Variants in DOCK9 observed in about 807,000 individuals in gnomAD.
The protein encoded by DOCK9 is dedicator of cytokinesis protein 9.
A neutral mutation model predicts 263.3 loss-of-function variants in DOCK9; 89 were observed. The observed-to-expected ratio is 0.34, with a 90% CI of 0.28 to 0.40. DOCK9 has a LOEUF of 0.40. Among genes scored for constraint, DOCK9 ranks in the 10% least tolerant of loss-of-function variants. The probability of loss-of-function intolerance (pLI) is 1.00; values close to 1 mark genes in which losing one functional copy is unlikely to be tolerated. For synonymous variants in DOCK9, 976 were observed against 973.1 expected (o/e 1.00, Z -0.06); for missense variants, 2,140 against 2,603.4 (o/e 0.82, Z 3.87).
intron 1 of DOCK9, among the ~76,000 whole-genome samples, chr13:98,985,316 A>G (rs1161661995): frequency 8.9e-6 from 1 of 112,324 alleles, no homozygotes. Flanking sequence ...ATCCTCCCCC[A>G]TTTCCCGGCC....
At chr13:98,865,792 G>C (rs191070162) in intron 30 of DOCK9, among the ~76,000 whole-genome samples, 1 of 152,272 alleles carries the variant, frequency 6.6e-6, no homozygotes, top group Non-Finnish European at 1.5e-5. Context: ...GTTAATTCCA[G>C]TTGAGGAAGT....
chr13:98,975,555 C>G (rs1387119369), intron 1 of DOCK9, among the ~76,000 whole-genome samples: 1 of 151,628 alleles, frequency 6.6e-6, no homozygotes, highest in Non-Finnish European at 1.5e-5. Context: ...AGTATATACA[C>G]TGAATTATTA....
In DOCK9 at chr13:99,052,309, T is replaced by C. The variant is rs554588643; in HGVS notation, c.129+33914A>G. The stretch of plus-strand genomic sequence containing the variant: ...TGGCCCACTACTCACTGCCTGGCCA[T>C]GGAGTAGGATGGAAGGATCTCCTGG... On this transcript the variant is annotated intron_variant, in intron 1 of 32. Transcript: ENST00000427887. Among the ~76,000 whole-genome samples the C allele has an allele frequency of 9.9e-4, 151 of 152,214 alleles. 2 individuals carry two copies. Among genetic ancestry groups the C allele is most frequent in the African/African-American group, 3.4e-3 (142 of 41,542 alleles).
intron 1 of DOCK9, among the ~76,000 whole-genome samples, chr13:98,983,748 T>C (rs1393506428): frequency 1.3e-5 from 2 of 151,704 alleles, no homozygotes; most frequent in African/African-American, 4.8e-5. Context: ...TCCCGAGTAG[T>C]TGGGATTACA....
At chr13:98,881,662 T>C in intron 24 of DOCK9, 35 bp from the exon 25 acceptor site, 1 of 1,569,172 alleles carries the variant, frequency 6.4e-7, no homozygotes, top group Admixed American at 1.8e-5. Flanking sequence ...GCAAAGAATA[T>C]GTAAAAATGG....
intron 1 of DOCK9, among the ~76,000 whole-genome samples, chr13:99,072,264 C>T (rs763428654): frequency 1.4e-4 from 22 of 152,274 alleles, no homozygotes; most frequent in South Asian, 6.2e-4. Flanking sequence ...CACAGCGCTA[C>T]GGTCCCTTCC....
intron 9 of DOCK9, among the ~76,000 whole-genome samples, chr13:98,906,320 G>A (rs1460699396): frequency 6.6e-6 from 1 of 152,152 alleles, no homozygotes; most frequent in Non-Finnish European, 1.5e-5. Context: ...GGCCACGGAA[G>A]AAAACCGACA....
At chr13:98,812,538 A>C (rs2091414219) in intron 45 of DOCK9, among the ~76,000 whole-genome samples, 1 of 152,304 alleles carries the variant, frequency 6.6e-6, no homozygotes, top group South Asian at 2.1e-4. Flanking sequence ...CAGACAACTG[A>C]AAGTAAAGAC....
At chr13:98,821,071 A>C (rs1436155750) in intron 45 of DOCK9, among the ~76,000 whole-genome samples, 1 of 152,220 alleles carries the variant, frequency 6.6e-6, no homozygotes, top group Non-Finnish European at 1.5e-5. Flanking sequence ...GGAGGCTACA[A>C]AGAAATTTCA....
chr13:98,934,464 C>T (rs1329647339), intron 2 of DOCK9, among the ~76,000 whole-genome samples: 1 of 152,152 alleles, frequency 6.6e-6, no homozygotes, highest in Non-Finnish European at 1.5e-5. Flanking sequence ...CCCAGCTGAG[C>T]CTTGACCAGA....
intron 10 of DOCK9, among the ~76,000 whole-genome samples, chr13:98,903,491 G>C (rs1447435191): frequency 1.3e-5 from 2 of 151,768 alleles, no homozygotes; most frequent in Non-Finnish European, 2.9e-5. Flanking sequence ...CTACTCGGGA[G>C]GCTGAGGCTG....
chr13:98,809,379 G>C lies in DOCK9; in HGVS notation c.5340C>G (p.Thr1780=). ...VMHSGRRLLG[T]YFRVAFFGQG... is the part of the protein sequence containing the mutation. ...GCCCGAAGAAGGCTACCCGGAAGTA[G>C]GTCCCCAGAAGCCTGCGGCCCGAGT... Residue 1780 remains threonine, a synonymous_variant, in exon 47 of 53, where the codon ACC becomes ACG. Coordinates refer to ENST00000682017, the MANE Select transcript of DOCK9 (RefSeq NM_001366683.2). 6.2e-7 allele frequency: 1 copy of C among 1,613,826 alleles called. No individual in the cohort carries two copies. The highest frequency in any genetic ancestry group is 1.1e-5 in the South Asian group (1 of 91,062).
In DOCK9 at chr13:98,888,635, G is replaced by A. The variant is rs755672176; in HGVS notation, c.1786C>T (p.Pro596Ser). 16 of 1,613,524 alleles carry A rather than the reference G, an allele frequency of 9.9e-6. No individual in the cohort carries two copies. Among genetic ancestry groups the A allele is most frequent in the Non-Finnish European group, 1.4e-5 (16 of 1,179,672 alleles). The change falls in exon 16 of 53, where the codon CCT (proline) becomes TCT (serine). Residue 596 changes from proline (P) to serine (S), a missense_variant. Physicochemically the swap from Pro to Ser is moderately conservative, Grantham distance 74 (BLOSUM62 -1). Around this residue, in one of 2 missense-constraint regions of DOCK9, gnomAD observed 1,521 missense variants for 1,741.7 expected, o/e 0.87. Coordinates refer to ENST00000682017, the MANE Select transcript of DOCK9 (RefSeq NM_001366683.2). ...ATTATGTAGAACTGACACTTACTAG[G>A]GAAGTCTGAGGAAACATTATCAATT... ...ITIDNVSSDF[P>S]NYVNSSYIPT... is the part of the protein sequence containing the mutation.
intron 1 of DOCK9, among the ~76,000 whole-genome samples, chr13:98,958,930 T>G (rs1161888553): frequency 6.6e-6 from 1 of 152,196 alleles, no homozygotes; most frequent in Non-Finnish European, 1.5e-5. Flanking sequence ...TTTAATTAGA[T>G]GAATTTCTGT....
At chr13:99,052,493 A>G (rs984574176) in intron 1 of DOCK9, among the ~76,000 whole-genome samples, 11 of 152,118 alleles carry the variant, frequency 7.2e-5, no homozygotes, top group Non-Finnish European at 4.4e-5. Flanking sequence ...CTGTGGTTTT[A>G]ATTTGCATTT....
chr13:99,000,567 T>C (rs959574073), intron 1 of DOCK9, among the ~76,000 whole-genome samples: 1 of 152,072 alleles, frequency 6.6e-6, no homozygotes, highest in Non-Finnish European at 1.5e-5. Flanking sequence ...AACTGTCACA[T>C]ACTTGAAAAA....
chr13:99,039,980 G>A (rs1381001101), intron 1 of DOCK9, among the ~76,000 whole-genome samples: 3 of 152,162 alleles, frequency 2.0e-5, no homozygotes, highest in Non-Finnish European at 4.4e-5. Context: ...ATTAACTAAT[G>A]TGAGCTATTG....
At chr13:98,890,598 G>A (rs527474762) in intron 15 of DOCK9, among the ~76,000 whole-genome samples, 235 of 152,270 alleles carry the variant, frequency 1.5e-3, no homozygotes, top group African/African-American at 5.5e-3. Flanking sequence ...CATTGCCAAA[G>A]ATCACCAAAG....
chr13:98,923,192 A>G (rs1189168637), intron 5 of DOCK9, 110 bp downstream of exon 5: 1 of 982,548 alleles, frequency 1.0e-6, no homozygotes, highest in Non-Finnish European at 1.6e-6. Context: ...TAACACTCCA[A>G]TGCCTGTTTT....
Sources: gnomAD v4.1 joint callset for allele counts (sites outside exome capture counted in the v4.1 genomes callset) on GRCh38, gnomAD v4.1.1 for gene constraint, gnomAD v4.1.1 regional missense constraint, MANE v1.5 for transcripts, NCBI Gene and HGNC (gene_info 2026-07-23, HGNC 2026-07-21) for gene names.